Variants in CDC123 observed in about 807,000 individuals in gnomAD.
CDC123 encodes the protein translation initiation factor eIF2 assembly protein.
Under a neutral mutation model 54.4 loss-of-function variants are expected in CDC123, and 37 were observed. The ratio of observed to expected loss-of-function variants is 0.68; its 90% CI spans 0.52 to 0.89. The LOEUF (loss-of-function observed/expected upper bound fraction) is 0.89, where lower values mean the gene tolerates loss of function less well. Ranked by LOEUF, CDC123 falls within the 40% of genes least tolerant of loss-of-function variation. The pLI, the probability that CDC123 is intolerant of heterozygous loss-of-function variation, is 0.00. For synonymous variants in CDC123, 144 were observed against 136.8 expected (o/e 1.05, Z -0.37); for missense variants, 361 against 412.1 (o/e 0.88, Z 1.07).
At chr10:12,242,614 C>G (rs555036087) in intron 10 of CDC123, among the ~76,000 whole-genome samples, 1 of 152,290 alleles carries the variant, frequency 6.6e-6, no homozygotes, top group South Asian at 2.1e-4. Context: ...GCAGAATTAA[C>G]TTCTCAGGCT....
intron 11 of CDC123, among the ~76,000 whole-genome samples, chr10:12,249,127 C>CA (rs58244020): frequency 0.095 from 12,705 of 133,856 alleles, 1,084 homozygotes; most frequent in African/African-American, 0.23. Context: ...GACTTTGCCT[C>CA]AAAAAAAAAA....
chr10:12,197,222 TAGAC>T (rs1260801185), intron 1 of CDC123, among the ~76,000 whole-genome samples: 5 of 152,184 alleles, frequency 3.3e-5, no homozygotes, highest in African/African-American at 1.2e-4. Flanking sequence ...AATCAGCAAA[TAGAC>T]ATATTAAGAA....
Position 12,206,632 on chromosome 10 carries a change from C to T in CDC123, c.147-3335C>T, listed in dbSNP as rs146783775. Among the ~76,000 whole-genome samples, 29 of 152,148 alleles carry T rather than the reference C, an allele frequency of 1.9e-4. No homozygotes were observed. The East Asian group carries it at 5.6e-3, about 29-fold the overall frequency. ...TTTGAGACCAGACTGACCAACATGGCGAAACCCCATCTCTAGTAAAAATAC... is the reference window on the plus strand; with the variant it reads ...TTTGAGACCAGACTGACCAACATGGTGAAACCCCATCTCTAGTAAAAATAC... On this transcript the variant is annotated intron_variant, in intron 2 of 12. Coordinates refer to ENST00000281141, the MANE Select transcript of CDC123 (RefSeq NM_006023.3).
intron 6 of CDC123, among the ~76,000 whole-genome samples, chr10:12,224,265 G>C (rs1835776118): frequency 6.7e-6 from 1 of 148,870 alleles, no homozygotes. Context: ...TTTAGTTTGG[G>C]GATAGAATAT....
chr10:12,231,446 A>C (rs1411218399), intron 7 of CDC123, among the ~76,000 whole-genome samples: 2 of 152,070 alleles, frequency 1.3e-5, no homozygotes, highest in Non-Finnish European at 2.9e-5. Context: ...ATCATGGCGA[A>C]ACCCCGCATC....
At chr10:12,232,917 G>A (rs185059919) in intron 7 of CDC123, among the ~76,000 whole-genome samples, 3 of 151,900 alleles carry the variant, frequency 2.0e-5, no homozygotes, top group East Asian at 1.9e-4. Flanking sequence ...CCGCCACTCC[G>A]CCTGGCTAAT....
chr10:12,209,970 T>C lies in CDC123; in HGVS notation c.150T>C (p.Asp50=), dbSNP rs1564434159. 1.1e-5 allele frequency: 18 copies of C among 1,614,054 alleles called. No homozygotes were observed. Among genetic ancestry groups the C allele is most frequent in the Non-Finnish European group, 1.4e-5 (17 of 1,180,016 alleles). ...DDGTLVVSGR[D]DPPTHSQPDS... ...ATGTTTGTTTGTGTTTTTTTAGGGATGATCCACCAACACATTCTCAGCCAG... is the reference window on the plus strand; with the variant it reads ...ATGTTTGTTTGTGTTTTTTTAGGGACGATCCACCAACACATTCTCAGCCAG... The change falls in exon 3 of 13, where the codon GAT becomes GAC. Residue 50 remains aspartate, a synonymous_variant. Coordinates refer to ENST00000281141, the MANE Select transcript of CDC123 (RefSeq NM_006023.3).
chr10:12,200,635 A>G (rs1276752309), intron 2 of CDC123, among the ~76,000 whole-genome samples: 3 of 152,076 alleles, frequency 2.0e-5, no homozygotes, highest in African/African-American at 7.2e-5. Flanking sequence ...CACTGATGTT[A>G]AATACTGTTA....
chr10:12,231,783 AG>A (rs1386103133), intron 7 of CDC123, among the ~76,000 whole-genome samples: 1 of 152,154 alleles, frequency 6.6e-6, no homozygotes, highest in Non-Finnish European at 1.5e-5. Context: ...GATCTGGACC[AG>A]GTTCTTAGCT....
intron 4 of CDC123, among the ~76,000 whole-genome samples, chr10:12,214,795 C>CT (rs377418376): frequency 0.013 from 1,975 of 149,692 alleles, 44 homozygotes; most frequent in African/African-American, 0.041. Context: ...TGTAGTCTGT[C>CT]TTTTTTTTTT....
At chr10:12,248,875 C>T (rs1169049785) in intron 11 of CDC123, among the ~76,000 whole-genome samples, 2 of 151,562 alleles carry the variant, frequency 1.3e-5, no homozygotes, top group Admixed American at 6.6e-5. Context: ...TTTGGGAGGC[C>T]GAGGCAGGCA....
At chr10:12,215,976 A>G (rs1835657095) in intron 5 of CDC123, 141 bp downstream of exon 5, 1 of 534,930 alleles carries the variant, frequency 1.9e-6, no homozygotes, top group Non-Finnish European at 3.2e-6. Flanking sequence ...ATTTCCCTCT[A>G]CTGTTTTACT....
At chr10:12,210,597 A>G (rs1348585593) in intron 4 of CDC123, among the ~76,000 whole-genome samples, 4 of 152,234 alleles carry the variant, frequency 2.6e-5, no homozygotes, top group African/African-American at 9.6e-5. Flanking sequence ...CTCTGCAAGA[A>G]GGAATTACGC....
intron 6 of CDC123, among the ~76,000 whole-genome samples, chr10:12,225,541 C>T (rs1823234810): frequency 6.6e-6 from 1 of 152,114 alleles, no homozygotes. Flanking sequence ...GAAGCTCTGA[C>T]ACACCCTGAG....
intron 11 of CDC123, among the ~76,000 whole-genome samples, chr10:12,248,844 T>TC (rs754318866): frequency 6.6e-6 from 1 of 151,126 alleles, no homozygotes; most frequent in East Asian, 2.0e-4. Context: ...GCATGGTGGT[T>TC]CATGCCTGTA....
chr10:12,207,724 G>A (rs1835541058), intron 2 of CDC123, among the ~76,000 whole-genome samples: 1 of 152,126 alleles, frequency 6.6e-6, no homozygotes, highest in Non-Finnish European at 1.5e-5. Flanking sequence ...GGGAGGAAGG[G>A]GACTAGGGGT....
chr10:12,218,591 T>C (rs140618301), intron 6 of CDC123, among the ~76,000 whole-genome samples: 67 of 152,280 alleles, frequency 4.4e-4, no homozygotes, highest in Middle Eastern at 3.4e-3. Flanking sequence ...TGTGACATCA[T>C]TGCGTGTCTA....
intron 6 of CDC123, among the ~76,000 whole-genome samples, chr10:12,218,315 C>T (rs1835689441): frequency 7.0e-6 from 1 of 142,948 alleles, no homozygotes; most frequent in East Asian, 2.1e-4. Flanking sequence ...GGCACGATCT[C>T]AGCTCAGTGC....
intron 2 of CDC123, among the ~76,000 whole-genome samples, chr10:12,202,370 T>C (rs925996102): frequency 1.3e-5 from 2 of 152,166 alleles, no homozygotes; most frequent in Admixed American, 1.3e-4. Flanking sequence ...CAAACCGTTT[T>C]TCCTCTGCTC....
Sources: allele counts gnomAD v4.1 joint callset (sites outside exome capture counted in the v4.1 genomes callset), GRCh38; gene constraint gnomAD v4.1.1; transcripts MANE v1.5; gene names NCBI Gene and HGNC (gene_info 2026-07-23, HGNC 2026-07-21).